HERC2: variants seen among roughly 807,000 people sequenced by gnomAD.
HERC2 encodes HECT and RLD domain containing E3 ubiquitin protein ligase 2.
In HERC2, 102 loss-of-function variants were observed where a neutral mutation model predicts 537.7. The ratio of observed to expected loss-of-function variants is 0.19; its 90% confidence interval spans 0.16 to 0.22. The LOEUF is 0.22. HERC2 is among the 10% of genes least tolerant of loss of function. The pLI is 1.00. For synonymous variants in HERC2, 2,224 were observed against 2,466.2 expected (o/e 0.90, Z 2.91); for missense variants, 4,236 against 6,198.2 (o/e 0.68, Z 10.63).
Position 28,200,130 on chromosome 15 carries a change from C to T in HERC2, c.7716+1326G>A, listed in dbSNP as rs959894532. Among the ~76,000 whole-genome samples the T allele has an allele frequency of 2.6e-5, 4 of 152,254 alleles. No individual in the cohort carries two copies. In the East Asian group the frequency reaches 7.7e-4, roughly 29 times the overall value. ...AGAGACTCCAGGATGGGCATGGTGG[C>T]TCACGCCTATAATCCCAGCACTTTG... On this transcript the variant is annotated intron_variant, in intron 48 of 92. Coordinates refer to ENST00000261609, the MANE Select transcript of HERC2 (RefSeq NM_004667.6).
chr15:28,180,275 C>A (rs1256758871), intron 57 of HERC2, among the ~76,000 whole-genome samples: 5 of 152,166 alleles, frequency 3.3e-5, no homozygotes, highest in Admixed American at 6.5e-5. Flanking sequence ...ACAGGCTATA[C>A]CATATAGCCT....
rs545647376 is a variant in HERC2 at position 28,245,319 on chromosome 15, G to A, written c.3577+562C>T. ...CCCAGCGCTTTGGGAGGCAGAGGCG[G>A]GTGGATCACTTGAGGTCAGGAGTTC... On this transcript the variant is annotated intron_variant, in intron 23 of 92. Transcript: ENST00000261609. Among the ~76,000 whole-genome samples the A allele has an allele frequency of 3.0e-4, 45 of 152,096 alleles. 1 individual carries two copies. The highest frequency in any genetic ancestry group is 1.0e-3 in the African/African-American group (43 of 41,494).
In HERC2 at chr15:28,143,001, G is replaced by C. The variant is rs144665653; in HGVS notation, c.11419-49C>G. ...CTATCGCAGGAATCCAGGTGCCGGG[G>C]AGGCTGACCATTTGTTTCTACCGTC... On this transcript the variant is annotated intron_variant, in intron 74 of 92. Coordinates refer to ENST00000261609, the MANE Select transcript of HERC2 (RefSeq NM_004667.6). 2.5e-6 allele frequency: 4 copies of C among 1,587,000 alleles called. No individual in the cohort carries two copies. In the East Asian group the frequency reaches 6.7e-5, roughly 27 times the overall value.
intron 9 of HERC2, among the ~76,000 whole-genome samples, chr15:28,271,463 T>C (rs932285586): frequency 2.0e-5 from 3 of 152,034 alleles, no homozygotes; most frequent in Admixed American, 2.0e-4. Context: ...GGTCGAGAGA[T>C]CGAGACCATC....
chr15:28,115,599 G>A (rs1012541551), intron 88 of HERC2, 58 bp from the exon 89 acceptor site: 67 of 1,271,490 alleles, frequency 5.3e-5, no homozygotes, highest in Middle Eastern at 1.8e-4. Flanking sequence ...AAAACTTCCC[G>A]CTCACTCACA....
chr15:28,280,327 T>C, intron 4 of HERC2, 40 bp from the exon 5 acceptor site: 2 of 1,485,012 alleles, frequency 1.3e-6, no homozygotes, highest in Admixed American at 1.9e-5. Context: ...CTGTGGACAA[T>C]GTGGCCACAG....
intron 52 of HERC2, among the ~76,000 whole-genome samples, chr15:28,194,211 G>A (rs1404705804): frequency 2.7e-5 from 4 of 150,356 alleles, no homozygotes; most frequent in Admixed American, 1.3e-4. Flanking sequence ...GACTACAGGC[G>A]CCCGCCACCA....
At chr15:28,242,106 C>T (rs1264841511) in intron 23 of HERC2, among the ~76,000 whole-genome samples, 3 of 152,122 alleles carry the variant, frequency 2.0e-5, no homozygotes, top group Admixed American at 6.5e-5. Flanking sequence ...ATATGAAGTA[C>T]CTGGAGTAGT....
chr15:28,132,793 C>T lies in HERC2; in HGVS notation c.12268G>A (p.Gly4090Arg). The change falls in exon 80 of 93, where the codon GGA (glycine) becomes AGA (arginine). Residue 4090 changes from glycine (G) to arginine (R), a missense_variant. Gly to Arg is a moderately radical substitution (Grantham distance 125, BLOSUM62 -2). Coordinates refer to ENST00000261609, the MANE Select transcript of HERC2 (RefSeq NM_004667.6). ...DRPRVIESLRGIEVVDVAAGG... is the reference protein window; with the variant it reads ...DRPRVIESLRRIEVVDVAAGG... Reference sequence around the variant, plus strand: ...GCAGCAACATCGACCACTTCAATTCCTCTCAGAGACTCGATGACACGAGGG... The same window carrying T: ...GCAGCAACATCGACCACTTCAATTCTTCTCAGAGACTCGATGACACGAGGG... The T allele has an allele frequency of 6.3e-7, 1 of 1,593,940 alleles. No homozygotes were observed. The highest frequency in any genetic ancestry group is 1.1e-5 in the South Asian group (1 of 88,014).
At chr15:28,313,334 C>T (rs1168898869) in intron 2 of HERC2, among the ~76,000 whole-genome samples, 10 of 152,192 alleles carry the variant, frequency 6.6e-5, no homozygotes, top group Non-Finnish European at 1.5e-4. Flanking sequence ...CACGCCACCA[C>T]GCCCGGCTAA....
At chr15:28,273,197 T>C in intron 7 of HERC2, 193 bp from the exon 8 acceptor site, 1 of 609,054 alleles carries the variant, frequency 1.6e-6, no homozygotes, top group Non-Finnish European at 2.9e-6. Flanking sequence ...TACACAACTA[T>C]ATTTTATTTA....
chr15:28,254,322 A>T lies in HERC2; in HGVS notation c.3050+18T>A, dbSNP rs1232387566. 1.3e-6 allele frequency: 2 copies of T among 1,529,478 alleles called. No individual in the cohort carries two copies. Among genetic ancestry groups the T allele is most frequent in the East Asian group, 4.5e-5 (2 of 44,222 alleles). The allele number at this position is 1,529,478 out of a possible 1,614,324, so 94.7% of individuals were successfully genotyped here. A position where few individuals can be genotyped will look rare whatever the true frequency, so the allele number is the denominator to read the frequency against. ...GTAAATAAATAACATATAATACAAT[A>T]CAGCTACTACGATTTACCTAAGAAG... On this transcript the variant is annotated intron_variant, in intron 20 of 92. Coordinates refer to ENST00000261609, the MANE Select transcript of HERC2 (RefSeq NM_004667.6).
At chr15:28,222,658 T>C (rs1233719851) in intron 35 of HERC2, among the ~76,000 whole-genome samples, 1 of 152,186 alleles carries the variant, frequency 6.6e-6, no homozygotes, top group African/African-American at 2.4e-5. Flanking sequence ...ACAGGGTTGC[T>C]GCAGGCTGGC....
At position 28,233,774 on chromosome 15, in the gene HERC2, C is replaced by T. The variant is rs758455627; in HGVS notation, c.4241G>A (p.Arg1414Lys). ...GGTCAAATGGCACTGCCTACAGTAC[C>T]TTTCTATTTGACACAAAAAGTCCTG... ...NVKDFLCQIE[R>K]YCRQCHLTTP... Residue 1414 changes from arginine (R) to lysine (K), a missense_variant, in exon 28 of 93, where the codon AGG becomes AAG. This residue lies in a region of HERC2 where 94 missense variants were observed against 174.9 expected (regional missense o/e 0.54). Transcript: ENST00000261609. The T allele has an allele frequency of 1.2e-6, 2 of 1,612,372 alleles. No individual in the cohort carries two copies. Among genetic ancestry groups the T allele is most frequent in the African/African-American group, 1.3e-5 (1 of 74,850 alleles).
chr15:28,265,871 C>A lies in HERC2; in HGVS notation c.1702G>T (p.Ala568Ser), dbSNP rs564060683. The change falls in exon 13 of 93, where the codon GCC becomes TCC. Residue 568 changes from alanine (A) to serine (S), a missense_variant. By Grantham distance (99) the Ala-to-Ser change is moderately conservative (BLOSUM62 1). Around this residue, in one of 27 missense-constraint regions of HERC2, gnomAD observed 754 missense variants for 1,085.0 expected, o/e 0.69. Transcript: ENST00000261609. The surrounding 1 kb of genome is among the most constrained non-coding windows in gnomAD (Gnocchi z 4.0). ...CGSTYSAAIT[A>S]EGELYTWGRG... Reference sequence around the variant, plus strand: ...CCCCAGGTGTACAGCTCCCCCTCGGCAGTGATGGCCGCACTGTAAGTGCTC... The same window carrying A: ...CCCCAGGTGTACAGCTCCCCCTCGGAAGTGATGGCCGCACTGTAAGTGCTC... The A allele has an allele frequency of 3.9e-5, 63 of 1,614,184 alleles. No individual in the cohort carries two copies. The East Asian group carries it at 1.4e-3, about 35-fold the overall frequency.
At chr15:28,114,900 G>A in intron 89 of HERC2, 98 bp from the exon 90 acceptor site, 1 of 1,026,878 alleles carries the variant, frequency 9.7e-7, no homozygotes, top group Non-Finnish European at 1.5e-6. Context: ...AGGAACCAGG[G>A]TCAGCCTCAA....
intron 20 of HERC2, among the ~76,000 whole-genome samples, chr15:28,250,665 A>T (rs941476990): frequency 1.3e-5 from 2 of 152,170 alleles, no homozygotes; most frequent in Non-Finnish European, 2.9e-5. Flanking sequence ...ACGTTTTCCA[A>T]GGGAAAAAAG....
intron 50 of HERC2, among the ~76,000 whole-genome samples, chr15:28,197,519 T>C (rs1332524535): frequency 1.3e-5 from 2 of 152,166 alleles, no homozygotes; most frequent in African/African-American, 4.8e-5. Context: ...TTTGGGAGGC[T>C]GAGGCAGGCG....
intron 20 of HERC2, 127 bp downstream of exon 20, chr15:28,254,213 G>A (rs1440712737): frequency 1.6e-6 from 1 of 609,924 alleles, no homozygotes; most frequent in Admixed American, 3.6e-5. Context: ...AACCTGGGAG[G>A]CGGAGCTTGC....
Sources: gnomAD v4.1 joint callset for allele counts (sites outside exome capture counted in the v4.1 genomes callset) on GRCh38, gnomAD v4.1.1 for gene constraint, gnomAD v4.1.1 regional missense constraint, Gnocchi (gnomAD v3.1) non-coding constraint, MANE v1.5 for transcripts, NCBI Gene and HGNC (gene_info 2026-07-23, HGNC 2026-07-21) for gene names.